The following ZNF385D variants were observed in gnomAD, a reference collection of about 807,000 sequenced individuals.
ZNF385D encodes the protein zinc finger protein 659.
Under a neutral mutation model 35.8 loss-of-function variants are expected in ZNF385D, and 15 were observed. The observed-to-expected ratio is 0.42, with a 90% CI of 0.28 to 0.64. ZNF385D has a LOEUF of 0.64. ZNF385D is among the 30% of genes least tolerant of loss of function. The pLI, the probability that ZNF385D is intolerant of heterozygous loss-of-function variation, is 0.23. For missense variants in ZNF385D, 474 were observed against 494.6 expected, an observed-to-expected ratio of 0.96 and a Z score of 0.39; for synonymous variants, 212 against 186.8, an observed-to-expected ratio of 1.13 and a Z score of -1.10.
intron 3 of ZNF385D, among the ~76,000 whole-genome samples, chr3:21,770,317 G>T (rs746233655): frequency 1.3e-5 from 2 of 152,114 alleles, no homozygotes; most frequent in Non-Finnish European, 2.9e-5. Context: ...CAGAATGGAA[G>T]AAAATTGTTG....
intron 2 of ZNF385D, among the ~76,000 whole-genome samples, chr3:21,602,512 ATTTTCTT>A (rs1448262568): frequency 0.18 from 16,200 of 89,356 alleles, 1,938 homozygotes; most frequent in Middle Eastern, 0.27. Flanking sequence ...GTTTCCCTGC[ATTTTCTT>A]TTTTTTTTTT....
chr3:22,244,099 G>A (rs772678954), intron 2 of ZNF385D, among the ~76,000 whole-genome samples: 20 of 150,576 alleles, frequency 1.3e-4, no homozygotes, highest in Non-Finnish European at 2.4e-4. Flanking sequence ...TCCCCTTGAA[G>A]CCAATGAACC....
At chr3:21,603,656 A>G (rs1194824409) in intron 2 of ZNF385D, among the ~76,000 whole-genome samples, 1 of 143,720 alleles carries the variant, frequency 7.0e-6, no homozygotes, top group African/African-American at 2.9e-5. Context: ...ATACATTTGT[A>G]TGCCCTTATA....
At chr3:21,905,307 T>G (rs937521540) in intron 3 of ZNF385D, among the ~76,000 whole-genome samples, 2 of 151,850 alleles carry the variant, frequency 1.3e-5, no homozygotes, top group Non-Finnish European at 2.9e-5. Flanking sequence ...TCACTTTGTA[T>G]GCATAACTCA....
At chr3:21,830,720 A>G (rs1475126121) in intron 3 of ZNF385D, among the ~76,000 whole-genome samples, 1 of 152,056 alleles carries the variant, frequency 6.6e-6, no homozygotes, top group Non-Finnish European at 1.5e-5. Context: ...CCTTGTTGTG[A>G]TTTCCTTGGC....
At chr3:21,634,254 G>A (rs1173676844) in intron 2 of ZNF385D, among the ~76,000 whole-genome samples, 1 of 150,334 alleles carries the variant, frequency 6.7e-6, no homozygotes, top group Non-Finnish European at 1.5e-5. Context: ...AGAAGGGAGG[G>A]AGGGAGGAGG....
intron 2 of ZNF385D, among the ~76,000 whole-genome samples, chr3:22,183,332 G>A (rs1695408441): frequency 6.6e-6 from 1 of 152,062 alleles, no homozygotes; most frequent in Admixed American, 6.6e-5. Flanking sequence ...GATCTTCAGA[G>A]AATGAGAAGT....
Position 22,119,196 on chromosome 3 carries a change from G to T in ZNF385D, c.325+49621C>A, listed in dbSNP as rs192467707. On this transcript the variant is annotated intron_variant, in intron 3 of 5. Transcript: ENST00000494108. ...ACTGGCTTCAGAAGGAATCTGCTTG[G>T]AACTTAATATAGAAAAAATACCTTG... is the stretch of plus-strand genomic sequence containing the variant. Among the ~76,000 whole-genome samples, 569 of 152,134 alleles carry T rather than the reference G, an allele frequency of 3.7e-3. 1 individual carries two copies. Among genetic ancestry groups the T allele is most frequent in the Non-Finnish European group, 6.5e-3 (444 of 67,988 alleles).
intron 2 of ZNF385D, among the ~76,000 whole-genome samples, chr3:21,623,220 C>T (rs576444702): frequency 6.6e-6 from 1 of 152,266 alleles, no homozygotes; most frequent in South Asian, 2.1e-4. Context: ...AGCACTTATG[C>T]ATGGTATCTA....
chr3:21,601,103 C>T (rs1249395636), intron 2 of ZNF385D, among the ~76,000 whole-genome samples: 1 of 152,010 alleles, frequency 6.6e-6, no homozygotes, highest in African/African-American at 2.4e-5. Context: ...TTTTATTTTT[C>T]ACTATGCATG....
intron 2 of ZNF385D, among the ~76,000 whole-genome samples, chr3:22,372,131 C>A (rs916184693): frequency 6.6e-6 from 1 of 152,110 alleles, no homozygotes; most frequent in Admixed American, 6.5e-5. Context: ...CCCCCCGCCT[C>A]GGCCTCCCCT....
intron 3 of ZNF385D, among the ~76,000 whole-genome samples, chr3:21,549,175 A>T (rs1331000237): frequency 6.6e-6 from 1 of 152,224 alleles, no homozygotes; most frequent in Non-Finnish European, 1.5e-5. Context: ...AGATAAATAC[A>T]AACTTAATAA....
At chr3:22,151,904 T>C (rs928558744) in intron 3 of ZNF385D, among the ~76,000 whole-genome samples, 1 of 152,146 alleles carries the variant, frequency 6.6e-6, no homozygotes, top group Admixed American at 6.6e-5. Context: ...GTTATATAGG[T>C]AAACTGGGCA....
chr3:22,147,435 G>T (rs780078812), intron 3 of ZNF385D, among the ~76,000 whole-genome samples: 33 of 152,132 alleles, frequency 2.2e-4, no homozygotes, highest in African/African-American at 7.7e-4. Context: ...GGCTTTTGCT[G>T]TATTAACTGG....
chr3:22,171,738 G>C (rs1006957323), intron 2 of ZNF385D, among the ~76,000 whole-genome samples: 1 of 151,840 alleles, frequency 6.6e-6, no homozygotes, highest in African/African-American at 2.4e-5. Flanking sequence ...TTAGCCGGGC[G>C]TGGTGCCAGG....
intron 2 of ZNF385D, among the ~76,000 whole-genome samples, chr3:22,322,646 C>T (rs1226421820): frequency 3.3e-5 from 5 of 152,158 alleles, no homozygotes; most frequent in Admixed American, 1.3e-4. Flanking sequence ...CCCATCTGTT[C>T]TATTATCTCT....
At chr3:21,458,047 A>C (rs1702928531) in intron 4 of ZNF385D, among the ~76,000 whole-genome samples, 1 of 152,154 alleles carries the variant, frequency 6.6e-6, no homozygotes, top group Admixed American at 6.6e-5. Flanking sequence ...ACAACAACAA[A>C]ACATTCAGCA....
chr3:22,069,020 T>C (rs1700103608), intron 3 of ZNF385D, among the ~76,000 whole-genome samples: 1 of 152,192 alleles, frequency 6.6e-6, no homozygotes. Context: ...ATGCTCAGTG[T>C]TTTACTGTCA....
At position 21,927,688 on chromosome 3, in the gene ZNF385D, T is replaced by G. The variant is rs561317206; in HGVS notation, c.325+241129A>C. Among the ~76,000 whole-genome samples the G allele has an allele frequency of 3.9e-5, 6 of 152,312 alleles. No homozygotes were observed. The East Asian group carries it at 9.7e-4, about 25-fold the overall frequency. On this transcript the variant is annotated intron_variant, in intron 3 of 5. Coordinates refer to the ZNF385D transcript ENST00000494108. ...AAACATAATAGAGCTAGAGTGAATA[T>G]TCTGATATCAGACAAAATAGACTTC...
Sources: allele counts gnomAD v4.1 joint callset (sites outside exome capture counted in the v4.1 genomes callset), GRCh38; gene constraint gnomAD v4.1.1; transcripts MANE v1.5; gene names NCBI Gene and HGNC (gene_info 2026-07-23, HGNC 2026-07-21).